Variants in VPS8 observed in about 807,000 individuals in gnomAD.
The protein encoded by VPS8 is VPS8 subunit of CORVET complex.
Under a neutral mutation model 216.4 loss-of-function variants are expected in VPS8, and 129 were observed. That is an observed-to-expected ratio of 0.60 (90% confidence interval 0.52 to 0.69). The LOEUF (loss-of-function observed/expected upper bound fraction) is 0.69, where lower values mean the gene tolerates loss of function less well. Ranked by LOEUF, VPS8 falls within the 30% of genes least tolerant of loss-of-function variation. The probability of loss-of-function intolerance (pLI) is 0.00; values close to 1 mark genes in which losing one functional copy is unlikely to be tolerated. For synonymous variants in VPS8, 571 were observed against 565.4 expected, an observed-to-expected ratio of 1.01 and a Z score of -0.14; for missense variants, 1,531 against 1,683.5, an observed-to-expected ratio of 0.91 and a Z score of 1.59.
At chr3:184,889,874 G>A (rs758484162) in intron 22 of VPS8, among the ~76,000 whole-genome samples, 6 of 152,108 alleles carry the variant, frequency 3.9e-5, no homozygotes, top group Admixed American at 1.3e-4. Context: ...TGAATAAGCC[G>A]TTTGATCAAC....
intron 42 of VPS8, among the ~76,000 whole-genome samples, chr3:184,990,400 A>G (rs925462901): frequency 1.3e-5 from 2 of 152,182 alleles, no homozygotes; most frequent in Admixed American, 6.5e-5. Context: ...CTTGTTCACT[A>G]TGTTACCTAC....
At chr3:184,977,369 G>T (rs1486484311) in intron 40 of VPS8, among the ~76,000 whole-genome samples, 3 of 152,092 alleles carry the variant, frequency 2.0e-5, no homozygotes, top group African/African-American at 7.2e-5. Context: ...TTTGTCAGAT[G>T]CATAGTTTGT....
intron 46 of VPS8, among the ~76,000 whole-genome samples, chr3:185,027,328 C>T (rs1343488853): frequency 4.2e-5 from 6 of 142,630 alleles, no homozygotes; most frequent in East Asian, 2.1e-4. Flanking sequence ...CTGCAAGCTT[C>T]GCCTCCCGGG....
At chr3:184,909,831 T>C (rs550779159) in intron 25 of VPS8, among the ~76,000 whole-genome samples, 1 of 152,346 alleles carries the variant, frequency 6.6e-6, no homozygotes, top group African/African-American at 2.4e-5. Context: ...CTGGATATTA[T>C]GAATGTTACA....
At chr3:184,853,757 G>A (rs1577907291) in intron 11 of VPS8, 100 bp from the exon 12 acceptor site, 1 of 1,204,984 alleles carries the variant, frequency 8.3e-7, no homozygotes, top group African/African-American at 1.5e-5. Flanking sequence ...TGGGGGTTAA[G>A]GAGGTAGGAG....
At chr3:184,980,221 GT>G (rs1294538644) in intron 40 of VPS8, among the ~76,000 whole-genome samples, 4 of 147,804 alleles carry the variant, frequency 2.7e-5, no homozygotes, top group Middle Eastern at 3.5e-3. Context: ...GCGGCCTTTA[GT>G]TTTTTTTTTC....
At chr3:184,828,531 T>A (rs1167785905) in intron 3 of VPS8, among the ~76,000 whole-genome samples, 4 of 152,210 alleles carry the variant, frequency 2.6e-5, no homozygotes, top group Admixed American at 2.6e-4. Context: ...ATTGCCATCC[T>A]TTGAAACTAT....
At chr3:184,851,451 CT>C (rs1560382738) in intron 10 of VPS8, among the ~76,000 whole-genome samples, 1 of 146,082 alleles carries the variant, frequency 6.8e-6, no homozygotes, top group African/African-American at 2.6e-5. Flanking sequence ...GAATTTCATT[CT>C]TTATGGATAT....
intron 28 of VPS8, among the ~76,000 whole-genome samples, chr3:184,918,340 A>T (rs551040440): frequency 6.6e-6 from 1 of 152,188 alleles, no homozygotes; most frequent in Non-Finnish European, 1.5e-5. Flanking sequence ...TTTATGTCCA[A>T]ATTCACAGAT....
At chr3:185,000,611 T>G (rs1364867623) in intron 45 of VPS8, among the ~76,000 whole-genome samples, 2 of 17,500 alleles carry the variant, frequency 1.1e-4, no homozygotes, top group African/African-American at 2.5e-4. Flanking sequence ...TCTTTTCGTT[T>G]CTTTTTTTTT....
chr3:185,048,170 A>G (rs1713363315), intron 46 of VPS8, among the ~76,000 whole-genome samples: 1 of 152,228 alleles, frequency 6.6e-6, no homozygotes, highest in African/African-American at 2.4e-5. Flanking sequence ...GGAACTAACT[A>G]GCTCTGCATA....
chr3:184,824,871 C>T (rs1313589681), intron 2 of VPS8, 86 bp downstream of exon 2: 2 of 1,190,916 alleles, frequency 1.7e-6, no homozygotes, highest in East Asian at 2.6e-5. Context: ...CTAAGTCTGT[C>T]ATTTTTGCAT....
In VPS8 at chr3:184,914,289, G is replaced by A. The variant is rs563262005; in HGVS notation, c.2190-692G>A. On this transcript the variant is annotated intron_variant, in intron 26 of 47. Transcript: ENST00000625842. ...ATCATCTGTACCTTAAACTCTTCAG[G>A]ATATGCTGGTGTCCAGTTGTCTCCA... is the stretch of plus-strand genomic sequence containing the variant. 2.4e-4 allele frequency among the ~76,000 whole-genome samples: 36 copies of A among 152,210 alleles called. 1 individual carries two copies. Among genetic ancestry groups the A allele is most frequent in the African/African-American group, 8.4e-4 (35 of 41,538 alleles).
At chr3:185,005,821 G>A (rs1754169780) in intron 45 of VPS8, among the ~76,000 whole-genome samples, 1 of 151,980 alleles carries the variant, frequency 6.6e-6, no homozygotes, top group South Asian at 2.1e-4. Context: ...GGTTTTTAAG[G>A]TACACAATCA....
rs1043863269 is a variant in VPS8 at position 185,014,458 on chromosome 3, C to T, written c.4003-9878C>T. ...ATGGTATCCAAATCGGCTGTTGATTCGGTCCTGGAGAAACGCAAGCATAAC... is the reference window on the plus strand; with the variant it reads ...ATGGTATCCAAATCGGCTGTTGATTTGGTCCTGGAGAAACGCAAGCATAAC... On this transcript the variant is annotated intron_variant, in intron 45 of 47. Coordinates refer to ENST00000625842, the MANE Select transcript of VPS8 (RefSeq NM_001009921.3). Among the ~76,000 whole-genome samples, 6 of 152,092 alleles carry T rather than the reference C, an allele frequency of 3.9e-5. No individual in the cohort carries two copies. In the East Asian group the frequency reaches 5.8e-4, roughly 15 times the overall value.
intron 5 of VPS8, 148 bp downstream of exon 5, chr3:184,834,890 T>C: frequency 1.7e-6 from 1 of 604,748 alleles, no homozygotes; most frequent in Non-Finnish European, 2.8e-6. Context: ...GTGATGATTT[T>C]TGACTTATGA....
intron 36 of VPS8, among the ~76,000 whole-genome samples, chr3:184,944,006 G>A (rs1743209626): frequency 6.6e-6 from 1 of 152,030 alleles, no homozygotes; most frequent in Non-Finnish European, 1.5e-5. Flanking sequence ...GGAGGCTGAG[G>A]CAGGAGAATT....
intron 28 of VPS8, among the ~76,000 whole-genome samples, chr3:184,917,738 G>A (rs1480327449): frequency 6.6e-6 from 1 of 152,214 alleles, no homozygotes; most frequent in Non-Finnish European, 1.5e-5. Flanking sequence ...GCAGTTGGTA[G>A]CAATTGAAGC....
chr3:184,864,791 A>G (rs34465973), intron 16 of VPS8, among the ~76,000 whole-genome samples: 8,955 of 152,322 alleles, frequency 0.059, 364 homozygotes, highest in Middle Eastern at 0.1. Flanking sequence ...CCAACAAGGT[A>G]AAATTCACAA....
Sources: allele counts gnomAD v4.1 joint callset (sites outside exome capture counted in the v4.1 genomes callset), GRCh38; gene constraint gnomAD v4.1.1; transcripts MANE v1.5; gene names NCBI Gene and HGNC (gene_info 2026-07-23, HGNC 2026-07-21).